Variants in FBXL7 observed in about 807,000 individuals in gnomAD.
FBXL7 encodes the protein F-box and leucine rich repeat protein 7, also known as F-box/LRR-repeat protein 7.
In FBXL7, 12 loss-of-function variants were observed where a neutral mutation model predicts 38.3. The observed-to-expected ratio is 0.31, with a 90% CI of 0.20 to 0.51. FBXL7 has a LOEUF of 0.51. Among genes scored for constraint, FBXL7 ranks in the 20% least tolerant of loss-of-function variants. The pLI is 0.98. For synonymous variants in FBXL7, 297 were observed against 300.9 expected, an observed-to-expected ratio of 0.99 and a Z score of 0.13; for missense variants, 567 against 676.4, an observed-to-expected ratio of 0.84 and a Z score of 1.79.
intron 2 of FBXL7, among the ~76,000 whole-genome samples, chr5:15,921,235 G>T (rs535329977): frequency 4.6e-5 from 7 of 151,966 alleles, no homozygotes; most frequent in Admixed American, 2.0e-4. Flanking sequence ...ACAAAGATTA[G>T]CCAGGTGTGG....
At chr5:15,640,025 C>T (rs2126554380) in intron 2 of FBXL7, among the ~76,000 whole-genome samples, 1 of 152,244 alleles carries the variant, frequency 6.6e-6, no homozygotes, top group Middle Eastern at 3.4e-3. Flanking sequence ...CCTTGGATTG[C>T]ATTTCACAAT....
At position 15,580,140 on chromosome 5, in the gene FBXL7, A is replaced by G. The variant is rs148575878; in HGVS notation, c.38-35843A>G. On this transcript the variant is annotated intron_variant, in intron 1 of 3. Transcript: ENST00000504595. ...CGAGTGTAGCCCCCATGATGGAATCAGTGTCCTTATGAGGAGACCAGAGCT... is the reference window on the plus strand; with the variant it reads ...CGAGTGTAGCCCCCATGATGGAATCGGTGTCCTTATGAGGAGACCAGAGCT... 1.4e-3 allele frequency among the ~76,000 whole-genome samples: 206 copies of G among 152,244 alleles called. 1 individual carries two copies. Among genetic ancestry groups the G allele is most frequent in the African/African-American group, 4.4e-3 (183 of 41,540 alleles).
chr5:15,511,172 A>G (rs931453993), intron 1 of FBXL7, among the ~76,000 whole-genome samples: 1 of 152,204 alleles, frequency 6.6e-6, no homozygotes, highest in African/African-American at 2.4e-5. Context: ...TCTGAGGGAA[A>G]CTTTTAACTC....
intron 2 of FBXL7, among the ~76,000 whole-genome samples, chr5:15,622,243 C>G (rs1212398016): frequency 1.3e-5 from 2 of 151,120 alleles, no homozygotes; most frequent in Admixed American, 6.6e-5. Context: ...TTGGGCAGGA[C>G]TTTTCTTTTT....
At chr5:15,831,716 C>G (rs925856928) in intron 2 of FBXL7, among the ~76,000 whole-genome samples, 3 of 152,020 alleles carry the variant, frequency 2.0e-5, no homozygotes, top group Non-Finnish European at 4.4e-5. Flanking sequence ...AGAGAAAATT[C>G]CCCTTTTCAG....
chr5:15,530,371 T>C (rs1057333916), intron 1 of FBXL7, among the ~76,000 whole-genome samples: 2 of 152,178 alleles, frequency 1.3e-5, no homozygotes, highest in Non-Finnish European at 2.9e-5. Flanking sequence ...TATTTATTGT[T>C]AGTGGCTGGT....
chr5:15,717,205 T>G (rs1744067896), intron 2 of FBXL7, among the ~76,000 whole-genome samples: 1 of 152,160 alleles, frequency 6.6e-6, no homozygotes, highest in South Asian at 2.1e-4. Flanking sequence ...CAGGCCTCAG[T>G]GAGTCATAGC....
At chr5:15,570,118 G>A (rs1473587048) in intron 1 of FBXL7, among the ~76,000 whole-genome samples, 2 of 152,160 alleles carry the variant, frequency 1.3e-5, no homozygotes, top group Non-Finnish European at 2.9e-5. Flanking sequence ...ATGAGTTAGG[G>A]AGGATTCCCT....
At chr5:15,815,304 G>T (rs399259) in intron 2 of FBXL7, among the ~76,000 whole-genome samples, 1 of 151,982 alleles carries the variant, frequency 6.6e-6, no homozygotes, top group African/African-American at 2.4e-5. Flanking sequence ...GTACAACTTT[G>T]AATAGAGTTT....
At chr5:15,731,184 C>T (rs931736126) in intron 2 of FBXL7, among the ~76,000 whole-genome samples, 2 of 152,096 alleles carry the variant, frequency 1.3e-5, no homozygotes, top group Non-Finnish European at 2.9e-5. Context: ...TCCTCAAGGG[C>T]TGTGTTAGTC....
At chr5:15,718,696 A>G (rs1744112637) in intron 2 of FBXL7, among the ~76,000 whole-genome samples, 1 of 152,264 alleles carries the variant, frequency 6.6e-6, no homozygotes, top group Non-Finnish European at 1.5e-5. Context: ...TGTTTAAAAT[A>G]AATATCATCA....
At chr5:15,858,914 A>G (rs904926970) in intron 2 of FBXL7, among the ~76,000 whole-genome samples, 10 of 152,308 alleles carry the variant, frequency 6.6e-5, no homozygotes, top group African/African-American at 1.7e-4. Context: ...TTAATACACA[A>G]TATGGTCTGG....
intron 2 of FBXL7, among the ~76,000 whole-genome samples, chr5:15,889,229 A>G (rs1191865687): frequency 6.6e-6 from 1 of 152,198 alleles, no homozygotes; most frequent in Non-Finnish European, 1.5e-5. Context: ...TCTGGGCTTC[A>G]GTGGTTAAAG....
At chr5:15,803,028 C>A (rs1737613129) in intron 2 of FBXL7, among the ~76,000 whole-genome samples, 1 of 152,124 alleles carries the variant, frequency 6.6e-6, no homozygotes, top group South Asian at 2.1e-4. Context: ...ATTTATCATT[C>A]CTCTGGAGAA....
intron 2 of FBXL7, among the ~76,000 whole-genome samples, chr5:15,791,720 A>G (rs1474326888): frequency 6.6e-6 from 1 of 152,156 alleles, no homozygotes; most frequent in Non-Finnish European, 1.5e-5. Flanking sequence ...TGTGTGGCAG[A>G]GGAATGGCTG....
At chr5:15,648,003 G>C (rs567922505) in intron 2 of FBXL7, among the ~76,000 whole-genome samples, 1 of 152,162 alleles carries the variant, frequency 6.6e-6, no homozygotes, top group East Asian at 1.9e-4. Flanking sequence ...GAGAATGCCC[G>C]TGTCTAATGA....
At chr5:15,772,399 C>T (rs1736752027) in intron 2 of FBXL7, among the ~76,000 whole-genome samples, 1 of 152,172 alleles carries the variant, frequency 6.6e-6, no homozygotes, top group Non-Finnish European at 1.5e-5. Flanking sequence ...TAAAAATCCT[C>T]CTTTCTTGGC....
intron 2 of FBXL7, among the ~76,000 whole-genome samples, chr5:15,795,175 C>T (rs977330248): frequency 6.6e-6 from 1 of 152,138 alleles, no homozygotes. Context: ...TCCAGACATC[C>T]CTCAAAAGCA....
chr5:15,653,707 T>C (rs1197245021), intron 2 of FBXL7, among the ~76,000 whole-genome samples: 2 of 152,210 alleles, frequency 1.3e-5, no homozygotes, highest in Non-Finnish European at 2.9e-5. Flanking sequence ...AAGAGAATGA[T>C]AAAATGTGAA....
Sources: allele counts gnomAD v4.1 joint callset (sites outside exome capture counted in the v4.1 genomes callset), GRCh38; gene constraint gnomAD v4.1.1; transcripts MANE v1.5; gene names NCBI Gene and HGNC (gene_info 2026-07-23, HGNC 2026-07-21).